Variants in CCDC102B observed in about 807,000 individuals in gnomAD.
The protein encoded by CCDC102B is coiled-coil domain-containing protein 102B.
In CCDC102B, 75 loss-of-function variants were observed where a neutral mutation model predicts 57.4. The ratio of observed to expected loss-of-function variants is 1.31; its 90% CI spans 1.08 to 1.58. The LOEUF (loss-of-function observed/expected upper bound fraction) is 1.58. Among genes scored for constraint, CCDC102B ranks in the 40% most tolerant of loss-of-function variants. The probability of loss-of-function intolerance (pLI) is 0.00; values close to 1 mark genes in which losing one functional copy is unlikely to be tolerated. For synonymous variants in CCDC102B, 206 were observed against 201.9 expected (o/e 1.02, Z -0.17); for missense variants, 636 against 582.6 (o/e 1.09, Z -0.94).
intron 6 of CCDC102B, among the ~76,000 whole-genome samples, chr18:68,927,760 A>G (rs574444262): frequency 3.6e-4 from 54 of 152,068 alleles, no homozygotes; most frequent in African/African-American, 1.3e-3. Flanking sequence ...GGGGTCTTAC[A>G]TATTGCAGAT....
intron 6 of CCDC102B, among the ~76,000 whole-genome samples, chr18:68,990,263 TCCAGGGGAAGCAGGGAGGAGCC>T (rs2050829687): frequency 6.6e-6 from 1 of 152,120 alleles, no homozygotes; most frequent in African/African-American, 2.4e-5. Context: ...CTACCCTATT[TCCAGGGGAAGCAGGGAGGAGCC>T]AAATAACAGG....
At chr18:68,883,905 G>A (rs1200151111) in intron 5 of CCDC102B, among the ~76,000 whole-genome samples, 1 of 152,122 alleles carries the variant, frequency 6.6e-6, no homozygotes, top group Non-Finnish European at 1.5e-5. Flanking sequence ...CGGCTTTTTA[G>A]TAACTCATTC....
In CCDC102B at chr18:68,765,293, A is replaced by AAAGG. The variant is rs149557152; in HGVS notation, c.-67+48730_-67+48733dup. Among the ~76,000 whole-genome samples, 357 of 104,162 alleles carry AAAGG rather than the reference A, an allele frequency of 3.4e-3. 2 individuals are homozygous for AAAGG. The highest frequency in any genetic ancestry group is 6.3e-3 in the African/African-American group (161 of 25,496). 68.3% of individuals were successfully genotyped at this position (104,162 alleles called of 152,430 possible). A position where few individuals can be genotyped will look rare whatever the true frequency, so the allele number is the denominator to read the frequency against. Reference sequence around the variant, plus strand: ...AGAAAGAGAAAGAAAGAAAAGAAAGAAAGGAAGGAAGGAAGGAAGGAAGGA... The same window carrying AAAGG: ...AGAAAGAGAAAGAAAGAAAAGAAAGAAAGGAAGGAAGGAAGGAAGGAAGGAAGGA... On this transcript the variant is annotated intron_variant, in intron 2 of 3. Transcript: ENST00000578970.
chr18:68,887,279 C>T (rs761756382), intron 5 of CCDC102B, among the ~76,000 whole-genome samples: 4 of 152,046 alleles, frequency 2.6e-5, no homozygotes, highest in Admixed American at 6.6e-5. Context: ...TAAAAACAAG[C>T]GTAATAGGAA....
At chr18:68,921,005 G>A (rs2041258587) in intron 6 of CCDC102B, among the ~76,000 whole-genome samples, 1 of 152,116 alleles carries the variant, frequency 6.6e-6, no homozygotes, top group Admixed American at 6.5e-5. Flanking sequence ...GGTGGCATAA[G>A]GGCTCCAAAT....
intron 6 of CCDC102B, among the ~76,000 whole-genome samples, chr18:68,933,638 T>C (rs531132835): frequency 6.6e-6 from 1 of 152,064 alleles, no homozygotes; most frequent in South Asian, 2.1e-4. Context: ...TGATAATATA[T>C]TGGAATACAG....
intron 6 of CCDC102B, among the ~76,000 whole-genome samples, chr18:69,001,859 A>G (rs1036980375): frequency 4.6e-5 from 7 of 152,216 alleles, no homozygotes; most frequent in African/African-American, 9.6e-5. Context: ...GTTGATTAAT[A>G]TTCATCCCCT....
At chr18:68,878,973 T>C (rs902522477) in intron 5 of CCDC102B, among the ~76,000 whole-genome samples, 8 of 152,118 alleles carry the variant, frequency 5.3e-5, no homozygotes, top group African/African-American at 1.9e-4. Context: ...CTGGAGTTTG[T>C]TCCTTCTGAT....
chr18:68,744,107 CAG>C (rs1171761713), intron 2 of CCDC102B, among the ~76,000 whole-genome samples: 3 of 152,052 alleles, frequency 2.0e-5, no homozygotes, highest in African/African-American at 7.2e-5. Flanking sequence ...ATTTTATTAT[CAG>C]AACATGTTTA....
chr18:69,018,492 C>T (rs952813398), intron 7 of CCDC102B, among the ~76,000 whole-genome samples: 4 of 152,088 alleles, frequency 2.6e-5, no homozygotes, highest in Non-Finnish European at 4.4e-5. Context: ...GGTCATGTAT[C>T]ATTGTGATTA....
intron 2 of CCDC102B, among the ~76,000 whole-genome samples, chr18:68,758,848 T>C (rs531134463): frequency 1.1e-4 from 16 of 150,572 alleles, no homozygotes; most frequent in African/African-American, 3.9e-4. Flanking sequence ...TCCTTCCCCA[T>C]CCCTATAGTA....
intron 2 of CCDC102B, among the ~76,000 whole-genome samples, chr18:68,782,496 C>G (rs1213573851): frequency 1.3e-5 from 2 of 152,122 alleles, no homozygotes; most frequent in Non-Finnish European, 1.5e-5. Flanking sequence ...ATTTAATTAG[C>G]TAATTGCACT....
chr18:68,749,329 T>C (rs1477572885), intron 2 of CCDC102B, among the ~76,000 whole-genome samples: 1 of 152,086 alleles, frequency 6.6e-6, no homozygotes, highest in East Asian at 1.9e-4. Flanking sequence ...ATTGGTAGCT[T>C]GATGGGGATG....
chr18:68,889,929 A>T (rs1348649858), intron 5 of CCDC102B, among the ~76,000 whole-genome samples: 1 of 152,182 alleles, frequency 6.6e-6, no homozygotes, highest in Non-Finnish European at 1.5e-5. Flanking sequence ...GCTTTCAGGC[A>T]TGCATGTGTT....
chr18:68,965,970 G>A (rs1325264725), intron 6 of CCDC102B, among the ~76,000 whole-genome samples: 2 of 152,082 alleles, frequency 1.3e-5, no homozygotes, highest in Non-Finnish European at 2.9e-5. Context: ...GTTACTGCTG[G>A]AGAGGGATGG....
intron 2 of CCDC102B, among the ~76,000 whole-genome samples, chr18:68,733,506 A>ATATATATATATATATATATATATATT (rs1286743067): frequency 3.4e-5 from 3 of 87,616 alleles, no homozygotes; most frequent in African/African-American, 5.5e-5. Flanking sequence ...ATATATATAT[A>ATATATATATATATATATATATATATT]TTTTTTTAAC....
chr18:68,929,966 A>C (rs754370992), intron 6 of CCDC102B, among the ~76,000 whole-genome samples: 42 of 151,514 alleles, frequency 2.8e-4, no homozygotes, highest in Middle Eastern at 3.4e-3. Flanking sequence ...CACAATCCTA[A>C]AAATAAAAAG....
chr18:68,980,178 C>G (rs1416941774), intron 6 of CCDC102B, among the ~76,000 whole-genome samples: 1 of 151,696 alleles, frequency 6.6e-6, no homozygotes, highest in Non-Finnish European at 1.5e-5. Context: ...GAGTAGAACC[C>G]TTGTGAGTTC....
intron 6 of CCDC102B, among the ~76,000 whole-genome samples, chr18:69,009,174 G>A (rs368086368): frequency 1.3e-5 from 2 of 152,044 alleles, no homozygotes; most frequent in Non-Finnish European, 2.9e-5. Context: ...ACATTTTACT[G>A]GCAGATTACC....
Sources: gnomAD v4.1 joint callset for allele counts (sites outside exome capture counted in the v4.1 genomes callset) on GRCh38, gnomAD v4.1.1 for gene constraint, MANE v1.5 for transcripts, NCBI Gene and HGNC (gene_info 2026-07-23, HGNC 2026-07-21) for gene names.